CDA: variants seen among roughly 807,000 people sequenced by gnomAD.
The protein encoded by CDA is cytidine aminohydrolase.
In CDA, 7 loss-of-function variants were observed where a neutral mutation model predicts 15.0. That is an observed-to-expected ratio of 0.47 (90% CI 0.26 to 0.87). The LOEUF is 0.87. Among genes scored for constraint, CDA ranks in the 40% least tolerant of loss-of-function variants. CDA has a pLI of 0.15. For synonymous variants in CDA, 58 were observed against 73.0 expected (o/e 0.79, Z 1.05); for missense variants, 159 against 182.7 (o/e 0.87, Z 0.75).
chr1:20,601,300 T>C (rs2052641753), intron 1 of CDA, among the ~76,000 whole-genome samples: 1 of 152,204 alleles, frequency 6.6e-6, no homozygotes, highest in African/African-American at 2.4e-5. Context: ...GAACTCTGAT[T>C]GGCCAGTTTG....
At chr1:20,589,549 C>T (rs1356478056) in intron 1 of CDA, among the ~76,000 whole-genome samples, 1 of 152,154 alleles carries the variant, frequency 6.6e-6, no homozygotes, top group African/African-American at 2.4e-5. Context: ...GGCCATAAAT[C>T]AAAAACATCA....
chr1:20,606,188 A>G (rs1455175019), intron 2 of CDA, among the ~76,000 whole-genome samples: 1 of 127,264 alleles, frequency 7.9e-6, no homozygotes, highest in African/African-American at 2.8e-5. Context: ...TTCCGGAGGA[A>G]TAAATGACGG....
At chr1:20,614,053 C>T (rs561290986) in intron 3 of CDA, among the ~76,000 whole-genome samples, 154 bp downstream of exon 3, 3 of 152,332 alleles carry the variant, frequency 2.0e-5, no homozygotes, top group South Asian at 4.1e-4. Context: ...GGCCTCCCTA[C>T]GCTTGCATGA....
chr1:20,605,179 T>C (rs1436175070), intron 2 of CDA, 140 bp downstream of exon 2: 2 of 704,012 alleles, frequency 2.8e-6, no homozygotes, highest in Non-Finnish European at 5.2e-6. Flanking sequence ...TACAGGGCCC[T>C]GGGATGAGTG....
chr1:20,604,962 C>G lies in CDA; in HGVS notation c.189C>G (p.Gly63=), dbSNP rs913602535. ...CNIENACYPL[G]ICAERTAIQK... ...TAGAAAATGCCTGCTACCCGCTGGG[C>G]ATCTGTGCTGAACGGACCGCTATCC... Residue 63 remains glycine, a synonymous_variant, in exon 2 of 4, where the codon GGC becomes GGG. Coordinates refer to ENST00000375071, the MANE Select transcript of CDA (RefSeq NM_001785.3). 6 of 1,613,732 alleles carry G rather than the reference C, an allele frequency of 3.7e-6. No individual in the cohort carries two copies. The African/African-American group carries it at 8.0e-5, about 22-fold the overall frequency.
chr1:20,589,386 G>T, intron 1 of CDA, 103 bp downstream of exon 1: 1 of 1,156,910 alleles, frequency 8.6e-7, no homozygotes. Flanking sequence ...TGGCAAGAGC[G>T]CGGCTCTGTC....
In CDA at chr1:20,618,599, C is replaced by T. The variant is rs2052842471; in HGVS notation, c.*31C>T. 3 of 1,284,838 alleles carry T rather than the reference C, an allele frequency of 2.3e-6. No homozygotes were observed. In the East Asian group the frequency reaches 6.9e-5, roughly 30 times the overall value. The allele number at this position is 1,284,838 out of a possible 1,614,324, so 79.6% of individuals were successfully genotyped here. ...AGAGAATGCCCACTGCCTGTAACAGCCACCTGGAGAACTTCATAAAGATGT... is the reference window on the plus strand; with the variant it reads ...AGAGAATGCCCACTGCCTGTAACAGTCACCTGGAGAACTTCATAAAGATGT... On this transcript the variant is annotated 3_prime_UTR_variant, in exon 4 of 4. Transcript: ENST00000375071.
intron 2 of CDA, among the ~76,000 whole-genome samples, chr1:20,606,598 C>G (rs538729344): frequency 6.6e-6 from 1 of 152,074 alleles, no homozygotes; most frequent in Non-Finnish European, 1.5e-5. Flanking sequence ...CTCAGCACTG[C>G]TCTCTCCTTC....
At chr1:20,615,594 G>C (rs2052794635) in intron 3 of CDA, among the ~76,000 whole-genome samples, 1 of 152,060 alleles carries the variant, frequency 6.6e-6, no homozygotes, top group African/African-American at 2.4e-5. Flanking sequence ...TTGGGGAAAG[G>C]GGAATGTCAG....
At chr1:20,593,721 T>C (rs1557545279) in intron 1 of CDA, among the ~76,000 whole-genome samples, 1 of 152,204 alleles carries the variant, frequency 6.6e-6, no homozygotes, top group Non-Finnish European at 1.5e-5. Flanking sequence ...ACTACAGGTA[T>C]GTACCACCAT....
Position 20,591,669 on chromosome 1 carries a change from G to T in CDA, c.154+2386G>T, listed in dbSNP as rs969162534. Among the ~76,000 whole-genome samples, 3 of 152,272 alleles carry T rather than the reference G, an allele frequency of 2.0e-5. No individual in the cohort carries two copies. In the East Asian group the frequency reaches 5.8e-4, roughly 30 times the overall value. On this transcript the variant is annotated intron_variant, in intron 1 of 3. Coordinates refer to ENST00000375071, the MANE Select transcript of CDA (RefSeq NM_001785.3). ...GTGGCCCATTTGCATTGCAGGGAAA[G>T]ACCTGGTGTCACCAGAGAAAGGGTT...
chr1:20,595,657 G>A (rs1447369390), intron 1 of CDA, among the ~76,000 whole-genome samples: 1 of 152,102 alleles, frequency 6.6e-6, no homozygotes, highest in Non-Finnish European at 1.5e-5. Flanking sequence ...CTAGGCAACA[G>A]GGTGAAACCC....
chr1:20,608,022 C>T (rs2052710343), intron 2 of CDA, among the ~76,000 whole-genome samples: 1 of 152,168 alleles, frequency 6.6e-6, no homozygotes, highest in Admixed American at 6.6e-5. Flanking sequence ...AGTACGGCCT[C>T]AGTGTGTGAC....
At position 20,605,691 on chromosome 1, in the gene CDA, T is replaced by C. The variant is rs1333225719; in HGVS notation, c.266+652T>C. 5.2e-5 allele frequency among the ~76,000 whole-genome samples: 6 copies of C among 114,852 alleles called. 1 individual carries two copies. In the East Asian group the frequency reaches 1.3e-3, roughly 25 times the overall value. 75.3% of individuals were successfully genotyped at this position (114,852 alleles called of 152,430 possible). On this transcript the variant is annotated intron_variant, in intron 2 of 3. Coordinates refer to ENST00000375071, the MANE Select transcript of CDA (RefSeq NM_001785.3). Reference sequence around the variant, plus strand: ...AAAAAAAATTTTTTTTTGCTGATGGTGGCATGCCCATAGTCCCAGCTATTT... The same window carrying C: ...AAAAAAAATTTTTTTTTGCTGATGGCGGCATGCCCATAGTCCCAGCTATTT...
chr1:20,613,886 A>G lies in CDA; in HGVS notation c.311A>G (p.Gln104Arg), dbSNP rs1029776989. ...DFISPCGACR[Q>R]VMREFGTNWP... The stretch of plus-strand genomic sequence containing the variant: ...ATCTCTCCATGTGGGGCCTGCAGGC[A>G]AGTCATGAGAGAGGTAAGCAGCTTC... Residue 104 changes from glutamine to arginine, a missense_variant, in exon 3 of 4, where the codon CAA becomes CGA. By Grantham distance (43) the Gln-to-Arg change is conservative. Coordinates refer to ENST00000375071, the MANE Select transcript of CDA (RefSeq NM_001785.3). 17 of 1,613,808 alleles carry G rather than the reference A, an allele frequency of 1.1e-5. No homozygotes were observed. The highest frequency in any genetic ancestry group is 1.3e-5 in the Non-Finnish European group (15 of 1,179,932).
At chr1:20,601,410 T>A (rs2052642914) in intron 1 of CDA, among the ~76,000 whole-genome samples, 1 of 152,232 alleles carries the variant, frequency 6.6e-6, no homozygotes, top group African/African-American at 2.4e-5. Flanking sequence ...GAGTCATTCC[T>A]CAGGGGAAAA....
chr1:20,602,899 C>T lies in CDA; in HGVS notation c.155-2029C>T, dbSNP rs150035081. On this transcript the variant is annotated intron_variant, in intron 1 of 3. Coordinates refer to ENST00000375071, the MANE Select transcript of CDA (RefSeq NM_001785.3). ...ACTCTGGCATTTTCCTAACTGGCTC[C>T]CATGCCTGGCCCATTCCTGCTGCCC... is the stretch of plus-strand genomic sequence containing the variant. Among the ~76,000 whole-genome samples, 357 of 152,342 alleles carry T rather than the reference C, an allele frequency of 2.3e-3. 3 individuals are homozygous for T. The highest frequency in any genetic ancestry group is 8.2e-3 in the African/African-American group (341 of 41,582).
chr1:20,613,784 G>C (rs1377943430), intron 2 of CDA, 58 bp from the exon 3 acceptor site: 2 of 1,509,700 alleles, frequency 1.3e-6, no homozygotes, highest in East Asian at 4.5e-5. Context: ...CTGAATCTTA[G>C]CAATTGTCCT....
chr1:20,594,371 G>C (rs747182632), intron 1 of CDA, among the ~76,000 whole-genome samples: 1 of 152,120 alleles, frequency 6.6e-6, no homozygotes, highest in Non-Finnish European at 1.5e-5. Context: ...ACTGCTTGTG[G>C]GGAGAGCCGA....
Sources: gnomAD v4.1 joint callset for allele counts (sites outside exome capture counted in the v4.1 genomes callset) on GRCh38, gnomAD v4.1.1 for gene constraint, MANE v1.5 for transcripts, NCBI Gene and HGNC (gene_info 2026-07-23, HGNC 2026-07-21) for gene names.